Variants in CARMIL1 observed in about 807,000 individuals in gnomAD.
The protein encoded by CARMIL1 is capping protein regulator and myosin 1 linker 1.
A neutral mutation model predicts 177.1 loss-of-function variants in CARMIL1; 90 were observed. The ratio of observed to expected loss-of-function variants is 0.51; its 90% CI spans 0.43 to 0.61. The LOEUF is 0.61. CARMIL1 is among the 20% of genes least tolerant of loss of function. CARMIL1 has a pLI of 0.00. For synonymous variants in CARMIL1, 577 were observed against 606.2 expected, an observed-to-expected ratio of 0.95 and a Z score of 0.71; for missense variants, 1,380 against 1,667.0, an observed-to-expected ratio of 0.83 and a Z score of 3.00.
intron 31 of CARMIL1, among the ~76,000 whole-genome samples, chr6:25,590,307 A>G (rs1039013844): frequency 1.3e-5 from 2 of 152,208 alleles, no homozygotes; most frequent in East Asian, 1.9e-4. Context: ...GAATTTCAAC[A>G]TACTTTTTCT....
intron 2 of CARMIL1, among the ~76,000 whole-genome samples, chr6:25,372,799 AG>A (rs1790553818): frequency 2.0e-5 from 3 of 152,192 alleles, no homozygotes; most frequent in Admixed American, 2.0e-4. Context: ...AAGTAGTGAA[AG>A]TGGGCATCCT....
chr6:25,531,853 C>T (rs1807792246), intron 24 of CARMIL1, among the ~76,000 whole-genome samples: 1 of 152,148 alleles, frequency 6.6e-6, no homozygotes, highest in South Asian at 2.1e-4. Flanking sequence ...TTACTGCAAC[C>T]TCCGCCTCCC....
At chr6:25,308,125 A>G (rs2150194730) in intron 2 of CARMIL1, among the ~76,000 whole-genome samples, 1 of 152,298 alleles carries the variant, frequency 6.6e-6, no homozygotes, top group South Asian at 2.1e-4. Context: ...ATAACAGTGC[A>G]TTGCTTTTGT....
chr6:25,471,108 T>C, intron 9 of CARMIL1, 61 bp from the exon 10 acceptor site: 1 of 1,134,588 alleles, frequency 8.8e-7, no homozygotes, highest in South Asian at 1.4e-5. Context: ...CATAGATTTA[T>C]AACAATAAAG....
intron 2 of CARMIL1, among the ~76,000 whole-genome samples, chr6:25,333,354 G>A (rs1785891297): frequency 6.6e-6 from 1 of 152,076 alleles, no homozygotes; most frequent in Non-Finnish European, 1.5e-5. Flanking sequence ...CTTGACCCCA[G>A]GAGTTCGAGA....
chr6:25,315,541 C>A (rs1784210434), intron 2 of CARMIL1, among the ~76,000 whole-genome samples: 1 of 152,152 alleles, frequency 6.6e-6, no homozygotes. Flanking sequence ...ATACCGCTGC[C>A]TGCTTTTTTT....
At chr6:25,293,824 T>G (rs926121346) in intron 2 of CARMIL1, among the ~76,000 whole-genome samples, 15 of 152,040 alleles carry the variant, frequency 9.9e-5, no homozygotes, top group Non-Finnish European at 1.6e-4. Context: ...CAGGCTCAAG[T>G]GATCCTCCCA....
At chr6:25,316,502 C>T (rs773215165) in intron 2 of CARMIL1, among the ~76,000 whole-genome samples, 4 of 151,604 alleles carry the variant, frequency 2.6e-5, no homozygotes, top group African/African-American at 4.9e-5. Context: ...ACCTCCATCT[C>T]GCGGGTTCAA....
intron 22 of CARMIL1, among the ~76,000 whole-genome samples, 159 bp downstream of exon 22, chr6:25,517,574 C>T (rs1206550145): frequency 1.3e-5 from 2 of 152,190 alleles, no homozygotes; most frequent in African/African-American, 4.8e-5. Context: ...TCTTGGAAGA[C>T]ATTGAATTTC....
At chr6:25,387,144 C>T (rs1213118844) in intron 2 of CARMIL1, among the ~76,000 whole-genome samples, 2 of 134,488 alleles carry the variant, frequency 1.5e-5, no homozygotes, top group East Asian at 4.9e-4. Flanking sequence ...TCACAACAGA[C>T]TAGATAACAC....
Position 25,529,755 on chromosome 6 carries a change from C to CAAAAAAAAAAAAA in CARMIL1, c.2067+880_2067+892dup. 6.3e-3 allele frequency among the ~76,000 whole-genome samples: 210 copies of CAAAAAAAAAAAAA among 33,096 alleles called. 10 individuals are homozygous for CAAAAAAAAAAAAA. Among genetic ancestry groups the CAAAAAAAAAAAAA allele is most frequent in the Non-Finnish European group, 9.5e-3 (148 of 15,552 alleles). 21.7% of individuals were successfully genotyped at this position (33,096 alleles called of 152,430 possible). A position where few individuals can be genotyped will look rare whatever the true frequency, so the allele number is the denominator to read the frequency against. The stretch of plus-strand genomic sequence containing the variant: ...GGGCGACAGAGCGAGACTCCGTCTC[C>CAAAAAAAAAAAAA]AAAAAAAAAAAAAAAAAAAAAAAAA... On this transcript the variant is annotated intron_variant, in intron 24 of 36. Coordinates refer to ENST00000329474, the MANE Select transcript of CARMIL1 (RefSeq NM_017640.6).
chr6:25,509,871 C>T lies in CARMIL1; in HGVS notation c.1477+134C>T, dbSNP rs1805296090. 6.5e-6 allele frequency: 4 copies of T among 620,006 alleles called. No homozygotes were observed. In the East Asian group the frequency reaches 1.1e-4, roughly 18 times the overall value. 38.4% of individuals were successfully genotyped at this position (620,006 alleles called of 1,614,324 possible). On this transcript the variant is annotated intron_variant, in intron 18 of 36. Transcript: ENST00000329474. This position sits in a 1 kb window ranked among gnomAD's most constrained non-coding sequence, Gnocchi z 4.1. ...GTTTTTTATTTTTTGACTAATAGGG[C>T]TTTTAAATTTAACAATGGGGTATAT... is the stretch of plus-strand genomic sequence containing the variant.
chr6:25,612,691 G>A (rs1185153545), intron 36 of CARMIL1: 22 of 836,622 alleles, frequency 2.6e-5, no homozygotes, highest in Admixed American at 6.2e-5. Flanking sequence ...ACACATTGAT[G>A]TATGTGCTAA....
At chr6:25,610,017 AAC>A in intron 35 of CARMIL1, 31 bp from the exon 36 acceptor site, 1 of 1,600,104 alleles carries the variant, frequency 6.2e-7, no homozygotes, top group Non-Finnish European at 8.5e-7. Flanking sequence ...CAGTTTGTGG[AAC>A]AGTTTGATTC....
chr6:25,459,249 T>TCTTC, intron 8 of CARMIL1, among the ~76,000 whole-genome samples: 1 of 117,626 alleles, frequency 8.5e-6, no homozygotes, highest in Non-Finnish European at 1.8e-5. Context: ...TTTCTTTCTT[T>TCTTC]CTTTCTTTCT....
At position 25,515,907 on chromosome 6, in the gene CARMIL1, A is replaced by G; in HGVS notation, c.1805+60A>G. ...GGCTTGGAGCAGATTCCGAACAGCA[A>G]GCATTGCAGAGCTGCTGGGCCCGAG... is the stretch of plus-strand genomic sequence containing the variant. On this transcript the variant is annotated intron_variant, in intron 21 of 36. Transcript: ENST00000329474. This position sits in a 1 kb window ranked among gnomAD's most constrained non-coding sequence, Gnocchi z 5.0. 4 of 1,491,144 alleles carry G rather than the reference A, an allele frequency of 2.7e-6. No homozygotes were observed. Among genetic ancestry groups the G allele is most frequent in the Admixed American group, 2.1e-5 (1 of 48,660 alleles). The allele number at this position is 1,491,144 out of a possible 1,614,324, so 92.4% of individuals were successfully genotyped here.
At chr6:25,313,943 A>G (rs955610996) in intron 2 of CARMIL1, among the ~76,000 whole-genome samples, 1 of 151,522 alleles carries the variant, frequency 6.6e-6, no homozygotes, top group African/African-American at 2.4e-5. Flanking sequence ...GATGAGTCCA[A>G]TGAGAGTTTA....
intron 2 of CARMIL1, among the ~76,000 whole-genome samples, chr6:25,290,222 A>T (rs867156771): frequency 6.6e-6 from 1 of 152,082 alleles, no homozygotes; most frequent in African/African-American, 2.4e-5. Flanking sequence ...CAGCCTCCCA[A>T]GTAGCTGGGA....
chr6:25,500,157 T>A lies in CARMIL1; in HGVS notation c.1326-9T>A. ...ATGTGTATCTAATATGTGTGTTTCCTCCCCTCAGAGCACTGTTATTGGGCC... is the reference window on the plus strand; with the variant it reads ...ATGTGTATCTAATATGTGTGTTTCCACCCCTCAGAGCACTGTTATTGGGCC... On this transcript the variant is annotated splice_polypyrimidine_tract_variant and intron_variant, in intron 16 of 36. Transcript: ENST00000329474. 6.2e-7 allele frequency: 1 copy of A among 1,613,310 alleles called. No homozygotes were observed. The highest frequency in any genetic ancestry group is 8.5e-7 in the Non-Finnish European group (1 of 1,179,290).
Sources: gnomAD v4.1 joint callset for allele counts (sites outside exome capture counted in the v4.1 genomes callset) on GRCh38, gnomAD v4.1.1 for gene constraint, Gnocchi (gnomAD v3.1) non-coding constraint, MANE v1.5 for transcripts, NCBI Gene and HGNC (gene_info 2026-07-23, HGNC 2026-07-21) for gene names.